The following PARD3 variants were observed in gnomAD, a reference collection of about 807,000 sequenced individuals.
PARD3 encodes par-3 family cell polarity regulator, also known as partitioning defective 3 homolog.
Under a neutral mutation model 155.4 loss-of-function variants are expected in PARD3, and 75 were observed. The ratio of observed to expected loss-of-function variants is 0.48; its 90% CI spans 0.40 to 0.58. The LOEUF is 0.58. Among genes scored for constraint, PARD3 ranks in the 20% least tolerant of loss-of-function variants. PARD3 has a pLI of 0.00. For missense variants in PARD3, 1,642 were observed against 1,721.7 expected (o/e 0.95, Z 0.82); for synonymous variants, 576 against 610.5 (o/e 0.94, Z 0.83).
chr10:34,712,934 C>T (rs2094468170), intron 1 of PARD3, among the ~76,000 whole-genome samples: 1 of 152,266 alleles, frequency 6.6e-6, no homozygotes, highest in Non-Finnish European at 1.5e-5. Flanking sequence ...TGAGGCCGGG[C>T]GCAGTGGCTC....
At chr10:34,604,067 A>G (rs2090018274) in intron 2 of PARD3, among the ~76,000 whole-genome samples, 1 of 152,166 alleles carries the variant, frequency 6.6e-6, no homozygotes, top group Non-Finnish European at 1.5e-5. Context: ...CCCTCAGGCC[A>G]CAAAACAGGG....
rs1367927861 is a variant in PARD3, at chr10:34,734,955, C to CA, written c.121-38537dup. On this transcript the variant is annotated intron_variant, in intron 1 of 24. Coordinates refer to ENST00000374788, the MANE Select transcript of PARD3 (RefSeq NM_001184785.2). ...GAAAATATATTTTCAATGTGTACTG[C>CA]ATTTAAAGTTACTATTACAAAGGGC... Among the ~76,000 whole-genome samples, 3 of 143,040 alleles carry CA rather than the reference C, an allele frequency of 2.1e-5. No homozygotes were observed. The East Asian group carries it at 6.2e-4, about 30-fold the overall frequency. The allele number at this position is 143,040 out of a possible 152,430, so 93.8% of individuals were successfully genotyped here.
intron 19 of PARD3, among the ~76,000 whole-genome samples, chr10:34,326,344 G>C (rs1835027796): frequency 6.6e-6 from 1 of 152,016 alleles, no homozygotes; most frequent in Non-Finnish European, 1.5e-5. Flanking sequence ...TTAAGTATAT[G>C]TATCATTTTA....
intron 1 of PARD3, among the ~76,000 whole-genome samples, chr10:34,702,933 TA>T (rs1427051515): frequency 6.6e-6 from 1 of 151,960 alleles, no homozygotes; most frequent in Non-Finnish European, 1.5e-5. Context: ...CCAGAGACTG[TA>T]TAAAAAGATG....
In PARD3 at chr10:34,271,629, G is replaced by A. The variant is rs76608096; in HGVS notation, c.3177-1730C>T. On this transcript the variant is annotated intron_variant, in intron 21 of 24. Transcript: ENST00000374788. ...GAGAAAGACTGAATGCTTTCCCTAT[G>A]ATAAAGTAAGGATGTGTGCTCCTAC... 8.6e-3 allele frequency among the ~76,000 whole-genome samples: 1,317 copies of A among 152,292 alleles called. 23 individuals are homozygous for A. The highest frequency in any genetic ancestry group is 0.03 in the African/African-American group (1,253 of 41,558).
At chr10:34,261,754 AAGAAAGGAAGG>A (rs1564528026) in intron 22 of PARD3, among the ~76,000 whole-genome samples, 3 of 86,278 alleles carry the variant, frequency 3.5e-5, no homozygotes, top group Non-Finnish European at 7.7e-5. Context: ...GAAAGGAAGG[AAGAAAGGAAGG>A]AAGGAAGAAA....
chr10:34,460,772 G>C (rs1445722870), intron 4 of PARD3, among the ~76,000 whole-genome samples: 3 of 152,084 alleles, frequency 2.0e-5, no homozygotes, highest in African/African-American at 7.2e-5. Context: ...GGCAGAGCTT[G>C]CAGTGAGCCA....
rs543026009 is a variant in PARD3 at position 34,563,671 on chromosome 10, C to T, written c.223-46512G>A. Among the ~76,000 whole-genome samples, 63 of 152,120 alleles carry T rather than the reference C, an allele frequency of 4.1e-4. 1 individual carries two copies. Among genetic ancestry groups the T allele is most frequent in the African/African-American group, 1.4e-3 (59 of 41,502 alleles). On this transcript the variant is annotated intron_variant, in intron 2 of 24. Transcript: ENST00000374788. ...TTAGCCTCCTGAGCAGCTGGGATTACAGGCATGTGCCACCAAGTCCAGCTA... is the reference window on the plus strand; with the variant it reads ...TTAGCCTCCTGAGCAGCTGGGATTATAGGCATGTGCCACCAAGTCCAGCTA...
At chr10:34,229,032 G>A (rs1952772423) in intron 22 of PARD3, among the ~76,000 whole-genome samples, 1 of 151,988 alleles carries the variant, frequency 6.6e-6, no homozygotes, top group African/African-American at 2.4e-5. Flanking sequence ...CATCATAACA[G>A]TGTTTCCTTA....
At chr10:34,436,311 T>C (rs1471698058) in intron 5 of PARD3, among the ~76,000 whole-genome samples, 1 of 152,178 alleles carries the variant, frequency 6.6e-6, no homozygotes, top group East Asian at 1.9e-4. Context: ...TCCTAAACAG[T>C]ATAGGAAGCC....
At chr10:34,599,857 T>C (rs1415743962) in intron 2 of PARD3, among the ~76,000 whole-genome samples, 1 of 152,154 alleles carries the variant, frequency 6.6e-6, no homozygotes, top group Non-Finnish European at 1.5e-5. Flanking sequence ...ATAACTAAAT[T>C]TTCCTTTTAA....
At chr10:34,112,364 G>A (rs983362680) in intron 24 of PARD3, among the ~76,000 whole-genome samples, 1 of 152,128 alleles carries the variant, frequency 6.6e-6, no homozygotes, top group Non-Finnish European at 1.5e-5. Flanking sequence ...CAACAGAGTT[G>A]GGCATGATTT....
chr10:34,551,725 G>C (rs955667785), intron 2 of PARD3, among the ~76,000 whole-genome samples: 4 of 152,212 alleles, frequency 2.6e-5, no homozygotes, highest in African/African-American at 9.6e-5. Flanking sequence ...TAAGGGCAGC[G>C]TGTGATGGGC....
chr10:34,610,634 T>C (rs148544388), intron 2 of PARD3, among the ~76,000 whole-genome samples: 52 of 152,310 alleles, frequency 3.4e-4, no homozygotes, highest in African/African-American at 1.2e-3. Flanking sequence ...TAGAATACGC[T>C]AGACAGATTA....
intron 1 of PARD3, among the ~76,000 whole-genome samples, chr10:34,737,950 G>T (rs1034202803): frequency 6.6e-6 from 1 of 152,178 alleles, no homozygotes; most frequent in South Asian, 2.1e-4. Flanking sequence ...CCACAGCAAA[G>T]GGCCCATTAG....
chr10:34,390,804 A>C (rs1010954048), intron 7 of PARD3, among the ~76,000 whole-genome samples: 1 of 152,366 alleles, frequency 6.6e-6, no homozygotes, highest in South Asian at 2.1e-4. Context: ...AAAGGGTATA[A>C]CAAACAATAT....
At chr10:34,716,939 A>G (rs566445114) in intron 1 of PARD3, among the ~76,000 whole-genome samples, 1 of 152,248 alleles carries the variant, frequency 6.6e-6, no homozygotes, top group East Asian at 1.9e-4. Context: ...AAACTTTCTC[A>G]AAATAATATC....
intron 3 of PARD3, among the ~76,000 whole-genome samples, chr10:34,486,740 A>G (rs1375211816): frequency 6.6e-6 from 1 of 152,160 alleles, no homozygotes; most frequent in Non-Finnish European, 1.5e-5. Context: ...TCTGCATTTC[A>G]TTGTCCTGGT....
Position 34,111,377 on chromosome 10 carries a change from CG to C in PARD3, c.3853del (p.Arg1285AlafsTer11). 6.2e-7 allele frequency: 1 copy of C among 1,614,094 alleles called. No individual in the cohort carries two copies. The highest frequency in any genetic ancestry group is 8.5e-7 in the Non-Finnish European group (1 of 1,179,980). ...CTGCTCCTTCCGCCTCTGTTCCTGGCGAAGGAGCTCCTGAGTTTCCAGCATG... is the reference window on the plus strand; with the variant it reads ...CTGCTCCTTCCGCCTCTGTTCCTGGCAAGGAGCTCCTGAGTTTCCAGCATG... ...RVMLETQELL[R>X]QEQRRKEQQM... is the part of the protein sequence containing the mutation. On this transcript the variant is annotated frameshift_variant, in exon 25 of 25. Transcript: ENST00000374788. LOFTEE classifies it high-confidence loss of function.
Sources: gnomAD v4.1 joint callset for allele counts (sites outside exome capture counted in the v4.1 genomes callset) on GRCh38, gnomAD v4.1.1 for gene constraint, MANE v1.5 for transcripts, NCBI Gene and HGNC (gene_info 2026-07-23, HGNC 2026-07-21) for gene names.